HGF: variants seen among roughly 807,000 people sequenced by gnomAD.
HGF encodes hepatocyte growth factor.
Under a neutral mutation model 111.6 loss-of-function variants are expected in HGF, and 39 were observed. The observed-to-expected ratio is 0.35, with a 90% CI of 0.27 to 0.46. The LOEUF (loss-of-function observed/expected upper bound fraction) is 0.46, where lower values mean the gene tolerates loss of function less well. Among genes scored for constraint, HGF ranks in the 20% least tolerant of loss-of-function variants. The pLI, the probability that HGF is intolerant of heterozygous loss-of-function variation, is 1.00. For missense variants in HGF, 735 were observed against 910.5 expected, an observed-to-expected ratio of 0.81 and a Z score of 2.48; for synonymous variants, 285 against 294.8, an observed-to-expected ratio of 0.97 and a Z score of 0.34.
At chr7:81,721,140 G>T (rs955303192) in intron 9 of HGF, among the ~76,000 whole-genome samples, 1 of 152,122 alleles carries the variant, frequency 6.6e-6, no homozygotes, top group Non-Finnish European at 1.5e-5. Context: ...CCAGCTACTC[G>T]AGAGGCTGAA....
chr7:81,704,383 CT>C (rs1241791908), intron 17 of HGF, among the ~76,000 whole-genome samples: 4 of 151,432 alleles, frequency 2.6e-5, no homozygotes, highest in Non-Finnish European at 4.4e-5. Flanking sequence ...ATTGCTTTTT[CT>C]TTTTAAAGTA....
intron 17 of HGF, among the ~76,000 whole-genome samples, chr7:81,703,004 C>A (rs1789326701): frequency 6.6e-6 from 1 of 151,610 alleles, no homozygotes; most frequent in Non-Finnish European, 1.5e-5. Context: ...AAATGACTTG[C>A]CTTTTCCAAA....
At position 81,768,637 on chromosome 7, in the gene HGF, C is replaced by T. The variant is rs1789482735; in HGVS notation, c.88+1247G>A. On this transcript the variant is annotated intron_variant, in intron 1 of 17. Coordinates refer to ENST00000222390, the MANE Select transcript of HGF (RefSeq NM_000601.6). ...CTCGTGATCTGCCCGCCTCGGCCTC[C>T]CAAAGTGCTGGGATTACAGGCGTGA... is the stretch of plus-strand genomic sequence containing the variant. Among the ~76,000 whole-genome samples the T allele has an allele frequency of 2.0e-5, 3 of 152,160 alleles. 1 individual carries two copies. Among genetic ancestry groups the T allele is most frequent in the Admixed American group, 2.0e-4 (3 of 15,266 alleles).
intron 4 of HGF, among the ~76,000 whole-genome samples, chr7:81,752,647 A>G (rs918960878): frequency 4.6e-5 from 7 of 151,948 alleles, no homozygotes; most frequent in African/African-American, 1.7e-4. Flanking sequence ...AAATCTCACT[A>G]TTTCTTGCAT....
At position 81,751,336 on chromosome 7, in the gene HGF, G is replaced by A. The variant is rs5745652; in HGVS notation, c.625+784C>T. 2,558 of 984,736 alleles carry A rather than the reference G, an allele frequency of 2.6e-3. 44 individuals carry two copies. The African/African-American group carries it at 0.036, about 14-fold the overall frequency. The allele number at this position is 984,736 out of a possible 1,614,324, so 61.0% of individuals were successfully genotyped here. On this transcript the variant is annotated intron_variant, in intron 5 of 17. Transcript: ENST00000222390. ...AGTTTCTGACAGAACTGAAAAATCC[G>A]GCTATTCAGTAGCCAGATAACTAAG...
intron 13 of HGF, among the ~76,000 whole-genome samples, chr7:81,707,824 T>C (rs1370733824): frequency 6.6e-6 from 1 of 152,178 alleles, no homozygotes; most frequent in Non-Finnish European, 1.5e-5. Flanking sequence ...ATTTTATTCG[T>C]GCACTATTTC....
intron 5 of HGF, chr7:81,750,853 A>G (rs956469273): frequency 8.4e-6 from 5 of 595,374 alleles, no homozygotes; most frequent in Non-Finnish European, 1.1e-5. Context: ...TAAGACAAAT[A>G]TTAATTCGTT....
intron 5 of HGF, chr7:81,751,066 C>T: frequency 1.0e-6 from 1 of 983,768 alleles, no homozygotes; most frequent in Non-Finnish European, 1.2e-6. Context: ...GAAAACAAAT[C>T]CTTCTCTGTG....
At position 81,762,855 on chromosome 7, in the gene HGF, T is replaced by C. The variant is rs765830204; in HGVS notation, c.106A>G (p.Arg36Gly). 4.0e-5 allele frequency: 62 copies of C among 1,555,096 alleles called. No homozygotes were observed. Among genetic ancestry groups the C allele is most frequent in the Non-Finnish European group, 5.4e-5 (61 of 1,127,094 alleles). The part of the protein sequence containing the change: ...IPYAEGQRKR[R>G]NTIHEFKKSA... ...TTTTTGAATTCATGAATTGTATTTC[T>C]TCTTTTCCTTTGTCCCTCTATTAAA... Residue 36 changes from arginine to glycine, a missense_variant, in exon 2 of 18, where the codon AGA becomes GGA. Transcript: ENST00000222390.
chr7:81,717,430 A>C (rs921837719), intron 10 of HGF, 65 bp from the exon 11 acceptor site: 17 of 1,422,668 alleles, frequency 1.2e-5, no homozygotes, highest in Non-Finnish European at 1.7e-5. Context: ...ACAAAATATT[A>C]CAAAAAGATA....
chr7:81,717,165 C>A, intron 11 of HGF, 67 bp downstream of exon 11: 2 of 1,520,230 alleles, frequency 1.3e-6, no homozygotes, highest in South Asian at 1.1e-5. Context: ...ATATTATTTA[C>A]AACTTTTAGA....
At chr7:81,723,459 C>T (rs1038987971) in intron 9 of HGF, among the ~76,000 whole-genome samples, 49 of 151,998 alleles carry the variant, frequency 3.2e-4, no homozygotes, top group African/African-American at 1.1e-3. Flanking sequence ...AATTTTCTGA[C>T]TGTATATACT....
chr7:81,712,842 T>G (rs1389801610), intron 11 of HGF, among the ~76,000 whole-genome samples: 2 of 152,226 alleles, frequency 1.3e-5, no homozygotes, highest in Non-Finnish European at 2.9e-5. Context: ...AGAATTAATA[T>G]ATACTTATTT....
intron 1 of HGF, among the ~76,000 whole-genome samples, chr7:81,763,456 A>G (rs1044629555): frequency 2.6e-5 from 4 of 152,240 alleles, no homozygotes; most frequent in Admixed American, 6.5e-5. Context: ...TCTTGGTATC[A>G]CCGAACTATT....
chr7:81,740,713 G>C (rs1031272795), intron 7 of HGF, among the ~76,000 whole-genome samples: 7 of 152,186 alleles, frequency 4.6e-5, no homozygotes, highest in African/African-American at 1.4e-4. Flanking sequence ...GTCAGAGAAA[G>C]TTAGGCAGTC....
intron 7 of HGF, among the ~76,000 whole-genome samples, chr7:81,738,288 A>G (rs538534079): frequency 1.6e-4 from 25 of 152,148 alleles, no homozygotes; most frequent in Non-Finnish European, 2.9e-4. Context: ...AAAGCAGGAA[A>G]CTAATATATA....
At chr7:81,731,982 C>T (rs180827166) in intron 7 of HGF, among the ~76,000 whole-genome samples, 1 of 152,248 alleles carries the variant, frequency 6.6e-6, no homozygotes, top group African/African-American at 2.4e-5. Context: ...TCATAGACTT[C>T]ATTGTCTGCC....
In HGF at chr7:81,705,528, G is replaced by T. The variant is rs373545882; in HGVS notation, c.1872C>A (p.Asn624Lys). The change falls in exon 17 of 18, where the codon AAC becomes AAA. Residue 624 changes from asparagine to lysine, a missense_variant. Transcript: ENST00000222390. ...GTGCCACTCGTAATAGGCCATCATA[G>T]TTGATCACTAGATTGATGCAAAAAA... ...VYGWGYTGLI[N>K]YDGLLRVAHL... The T allele has an allele frequency of 8.2e-5, 133 of 1,612,156 alleles. No homozygotes were observed. Among genetic ancestry groups the T allele is most frequent in the Non-Finnish European group, 1.1e-4 (130 of 1,178,818 alleles).
chr7:81,747,278 G>T (rs757233768), intron 5 of HGF, among the ~76,000 whole-genome samples: 1 of 152,168 alleles, frequency 6.6e-6, no homozygotes, highest in Non-Finnish European at 1.5e-5. Flanking sequence ...GATGGAGCTT[G>T]CAGTGAGCCG....
Sources: allele counts gnomAD v4.1 joint callset (sites outside exome capture counted in the v4.1 genomes callset), GRCh38; gene constraint gnomAD v4.1.1; transcripts MANE v1.5; gene names NCBI Gene and HGNC (gene_info 2026-07-23, HGNC 2026-07-21).